FOLH1: variants seen among roughly 807,000 people sequenced by gnomAD.
The protein encoded by FOLH1 is folate hydrolase 1, also known as glutamate carboxypeptidase 2.
In FOLH1, 54 loss-of-function variants were observed where a neutral mutation model predicts 93.9. That is an observed-to-expected ratio of 0.57 (90% CI 0.46 to 0.72). FOLH1 has a LOEUF of 0.72. Among genes scored for constraint, FOLH1 ranks in the 30% least tolerant of loss-of-function variants. The probability of loss-of-function intolerance (pLI) is 0.00; values close to 1 mark genes in which losing one functional copy is unlikely to be tolerated. For missense variants in FOLH1, 571 were observed against 892.5 expected, an observed-to-expected ratio of 0.64 and a Z score of 4.59; for synonymous variants, 249 against 303.6, an observed-to-expected ratio of 0.82 and a Z score of 1.87.
At position 49,208,435 on chromosome 11, in the gene FOLH1, C is replaced by T. The variant is rs780112854; in HGVS notation, c.-26G>A. The T allele has an allele frequency of 3.7e-5, 57 of 1,530,260 alleles. No individual in the cohort carries two copies. The highest frequency in any genetic ancestry group is 3.4e-4 in the Middle Eastern group (2 of 5,806). 94.8% of individuals were successfully genotyped at this position (1,530,260 alleles called of 1,614,324 possible). On this transcript the variant is annotated 5_prime_UTR_variant, in exon 1 of 19. Transcript: ENST00000256999. ...CTCGGCGCGAGCAGAGCCGGCCTCCCGGGACCCGCGCCTGTGCTGCTGCTC... is the reference window on the plus strand; with the variant it reads ...CTCGGCGCGAGCAGAGCCGGCCTCCTGGGACCCGCGCCTGTGCTGCTGCTC...
chr11:49,168,019 A>C (rs544126049), intron 12 of FOLH1, among the ~76,000 whole-genome samples: 36 of 149,722 alleles, frequency 2.4e-4, no homozygotes, highest in Middle Eastern at 3.4e-3. Flanking sequence ...ATATTCTAAA[A>C]AATTCCCCCT....
In FOLH1 at chr11:49,153,832, T is replaced by C. The variant is rs1376998846; in HGVS notation, c.1970+14A>G. 1.3e-6 allele frequency: 2 copies of C among 1,575,588 alleles called. No individual in the cohort carries two copies. Among genetic ancestry groups the C allele is most frequent in the African/African-American group, 2.7e-5 (2 of 73,446 alleles). On this transcript the variant is annotated intron_variant, in intron 17 of 18. Transcript: ENST00000256999. ...ACACACATACACACATATGCACATATATGTAGAACATACTTGCTTTTGTCA... is the reference window on the plus strand; with the variant it reads ...ACACACATACACACATATGCACATACATGTAGAACATACTTGCTTTTGTCA...
At chr11:49,181,483 A>G (rs1346264317) in intron 7 of FOLH1, among the ~76,000 whole-genome samples, 1 of 152,008 alleles carries the variant, frequency 6.6e-6, no homozygotes, top group Non-Finnish European at 1.5e-5. Flanking sequence ...TTCTTCACTT[A>G]ATAATATAAG....
intron 13 of FOLH1, among the ~76,000 whole-genome samples, chr11:49,161,986 G>A (rs1468640691): frequency 1.3e-5 from 2 of 152,218 alleles, no homozygotes; most frequent in Non-Finnish European, 2.9e-5. Flanking sequence ...TTTCAGCTGA[G>A]AGGTCCACTG....
intron 4 of FOLH1, among the ~76,000 whole-genome samples, chr11:49,187,326 T>C (rs1861521867): frequency 4.6e-5 from 7 of 152,172 alleles, no homozygotes; most frequent in Admixed American, 4.6e-4. Flanking sequence ...CTAGATTAAA[T>C]CAGTGATCTT....
chr11:49,193,032 A>T (rs1862243528), intron 3 of FOLH1, 138 bp from the exon 4 acceptor site: 1 of 571,734 alleles, frequency 1.7e-6, no homozygotes, highest in South Asian at 3.3e-5. Flanking sequence ...ATAGTATCAG[A>T]TACCCAGCAC....
At chr11:49,207,339 A>C (rs1042067889) in intron 1 of FOLH1, among the ~76,000 whole-genome samples, 9 of 152,214 alleles carry the variant, frequency 5.9e-5, no homozygotes, top group African/African-American at 1.9e-4. Context: ...TCCTTTTAAG[A>C]GATGAAGATT....
At chr11:49,157,788 A>G (rs1440336203) in intron 14 of FOLH1, among the ~76,000 whole-genome samples, 164 bp downstream of exon 14, 1 of 152,090 alleles carries the variant, frequency 6.6e-6, no homozygotes, top group Non-Finnish European at 1.5e-5. Flanking sequence ...TAACTACAAA[A>G]CACATAGTAA....
chr11:49,179,579 C>T (rs1409514906), intron 7 of FOLH1, among the ~76,000 whole-genome samples: 1 of 152,048 alleles, frequency 6.6e-6, no homozygotes, highest in Non-Finnish European at 1.5e-5. Context: ...ACACAACATA[C>T]CAATATTTAT....
At position 49,185,646 on chromosome 11, in the gene FOLH1, A is replaced by T. The variant is rs777242795; in HGVS notation, c.826+23T>A. On this transcript the variant is annotated intron_variant, in intron 6 of 18. Transcript: ENST00000256999. ...TCTTTCAAATGTTAAGTTTCCTATG[A>T]TATTCAAGGATTGATCATTCACCAT... 3.1e-6 allele frequency: 5 copies of T among 1,613,052 alleles called. No individual in the cohort carries two copies. In the East Asian group the frequency reaches 1.1e-4, roughly 36 times the overall value.
chr11:49,185,529 T>G, intron 6 of FOLH1, 140 bp downstream of exon 6: 2 of 1,135,324 alleles, frequency 1.8e-6, no homozygotes, highest in South Asian at 3.3e-5. Context: ...CCAATCACTT[T>G]AGAGTTCAAA....
chr11:49,174,800 T>C, intron 9 of FOLH1, 92 bp downstream of exon 9: 3 of 1,067,380 alleles, frequency 2.8e-6, no homozygotes, highest in Non-Finnish European at 4.1e-6. Flanking sequence ...TTTGTTTGTT[T>C]GTTTTGATTC....
At position 49,183,114 on chromosome 11, in the gene FOLH1, C is replaced by T. The variant is rs565284538; in HGVS notation, c.920+35G>A. The stretch of plus-strand genomic sequence containing the variant: ...TTGAAAACTGTCAATAAGAAAATTA[C>T]CCAAATAGCCATCCATGGTTTCTTA... On this transcript the variant is annotated intron_variant, in intron 7 of 18. Transcript: ENST00000256999. The T allele has an allele frequency of 2.5e-5, 39 of 1,542,374 alleles. No individual in the cohort carries two copies. In the South Asian group the frequency reaches 4.7e-4, roughly 18 times the overall value.
At chr11:49,202,971 A>G (rs1398890517) in intron 2 of FOLH1, among the ~76,000 whole-genome samples, 1 of 152,242 alleles carries the variant, frequency 6.6e-6, no homozygotes, top group Admixed American at 6.5e-5. Flanking sequence ...AGAGAGATCT[A>G]TGAATGGATT....
intron 3 of FOLH1, among the ~76,000 whole-genome samples, chr11:49,199,379 C>T (rs1222035326): frequency 6.6e-6 from 1 of 152,076 alleles, no homozygotes; most frequent in East Asian, 1.9e-4. Flanking sequence ...CAAGTATATG[C>T]CCCAACTTGC....
intron 12 of FOLH1, among the ~76,000 whole-genome samples, chr11:49,166,541 T>A (rs1000954461): frequency 6.6e-6 from 1 of 152,232 alleles, no homozygotes; most frequent in African/African-American, 2.4e-5. Context: ...TTCTATATAT[T>A]AATGCCAACA....
Position 49,145,124 on chromosome 11 carries a change from C to A in FOLH1, c.*1632G>T, listed in dbSNP as rs1855729858. ...GCAGAAATAAATACATTTTATTATT[C>A]ACCAGTTATCCAAATTTGGGTTATC... On this transcript the variant is annotated 3_prime_UTR_variant, in exon 19 of 19. Transcript: ENST00000256999. Among the ~76,000 whole-genome samples the A allele has an allele frequency of 1.3e-5, 2 of 152,238 alleles. No individual in the cohort carries two copies. Among genetic ancestry groups the A allele is most frequent in the African/African-American group, 4.8e-5 (2 of 41,544 alleles).
In FOLH1 at chr11:49,145,729, T is replaced by C. The variant is rs1855751981; in HGVS notation, c.*1027A>G. Among the ~76,000 whole-genome samples, 1 of 152,168 alleles carries C rather than the reference T, an allele frequency of 6.6e-6. No homozygotes were observed. Among genetic ancestry groups the C allele is most frequent in the African/African-American group, 2.4e-5 (1 of 41,464 alleles). On this transcript the variant is annotated 3_prime_UTR_variant, in exon 19 of 19. Transcript: ENST00000256999. ...TCTGCTCATCACATATTCTTGAGAC[T>C]TCTCTTTACATATTACTAGACAATA...
chr11:49,174,184 G>GT (rs1384073974), intron 9 of FOLH1, among the ~76,000 whole-genome samples: 1 of 152,072 alleles, frequency 6.6e-6, no homozygotes, highest in Non-Finnish European at 1.5e-5. Flanking sequence ...CTTATATATT[G>GT]TTTAGTACTC....
Sources: allele counts gnomAD v4.1 joint callset (sites outside exome capture counted in the v4.1 genomes callset), GRCh38; gene constraint gnomAD v4.1.1; transcripts MANE v1.5; gene names NCBI Gene and HGNC (gene_info 2026-07-23, HGNC 2026-07-21).